FAM163A: variants seen among roughly 807,000 people sequenced by gnomAD.
The protein encoded by FAM163A is protein FAM163A.
A neutral mutation model predicts 12.0 loss-of-function variants in FAM163A; 7 were observed. That is an observed-to-expected ratio of 0.58 (90% CI 0.33 to 1.10). The LOEUF (loss-of-function observed/expected upper bound fraction) is 1.10, where lower values mean the gene tolerates loss of function less well. Among genes scored for constraint, FAM163A ranks in the 50% least tolerant of loss-of-function variants. The pLI, the probability that FAM163A is intolerant of heterozygous loss-of-function variation, is 0.03. For missense variants in FAM163A, 202 were observed against 218.6 expected (o/e 0.92, Z 0.48); for synonymous variants, 101 against 91.0 (o/e 1.11, Z -0.62).
intron 1 of FAM163A, among the ~76,000 whole-genome samples, chr1:179,771,140 C>T (rs941437191): frequency 2.6e-5 from 4 of 152,098 alleles, no homozygotes; most frequent in Non-Finnish European, 5.9e-5. Flanking sequence ...CCACCCCATG[C>T]GGGACCAGGA....
the FAM163A span, among the ~76,000 whole-genome samples, chr1:179,735,077 TC>T: frequency 1.3e-5 from 2 of 152,318 alleles, no homozygotes; most frequent in East Asian, 3.9e-4. Context: ...ATTACGTTTT[TC>T]CTTGATGTAG....
chr1:179,812,011 G>A (rs553457693), intron 2 of FAM163A, 99 bp from the exon 3 acceptor site: 1 of 152,728 alleles, frequency 6.5e-6, no homozygotes, highest in Admixed American at 6.5e-5. Flanking sequence ...AGCGAAGAAA[G>A]CAAAATGAGG....
At chr1:179,749,633 C>T (rs535549663) in intron 1 of FAM163A, among the ~76,000 whole-genome samples, 4 of 152,286 alleles carry the variant, frequency 2.6e-5, no homozygotes, top group African/African-American at 9.6e-5. Context: ...AGGCGGATTG[C>T]TTGAGGTCAG....
chr1:179,764,651 C>G (rs1208013233), intron 1 of FAM163A, among the ~76,000 whole-genome samples: 1 of 152,112 alleles, frequency 6.6e-6, no homozygotes, highest in Admixed American at 6.5e-5. Context: ...GGTTGTTCGC[C>G]CTAGAGGTAT....
chr1:179,791,398 C>G (rs868425098), intron 1 of FAM163A, among the ~76,000 whole-genome samples: 3 of 152,338 alleles, frequency 2.0e-5, no homozygotes, highest in Middle Eastern at 3.4e-3. Flanking sequence ...TCCCCCTGCT[C>G]TCTCCTTCCA....
At chr1:179,801,744 G>C (rs1693209148) in intron 1 of FAM163A, among the ~76,000 whole-genome samples, 1 of 152,198 alleles carries the variant, frequency 6.6e-6, no homozygotes, top group Admixed American at 6.5e-5. Context: ...AGGATGGAAG[G>C]CTCTGTGTGG....
At chr1:179,759,483 C>T (rs1686497063) in intron 1 of FAM163A, among the ~76,000 whole-genome samples, 1 of 152,006 alleles carries the variant, frequency 6.6e-6, no homozygotes, top group African/African-American at 2.4e-5. Flanking sequence ...TAATCCAAGG[C>T]CTAAGGGACA....
the FAM163A span, among the ~76,000 whole-genome samples, chr1:179,732,531 C>CTTAT: frequency 3.3e-5 from 5 of 151,914 alleles, no homozygotes; most frequent in Non-Finnish European, 7.4e-5. Context: ...ATATTCATAC[C>CTTAT]CTCCCAAGAT....
intron 4 of FAM163A, 127 bp downstream of exon 4, chr1:179,813,317 G>T: frequency 1.1e-6 from 1 of 933,310 alleles, no homozygotes. Context: ...TGTAGCAGGC[G>T]TAAGTCAAGG....
At chr1:179,737,455 A>G in the FAM163A span, among the ~76,000 whole-genome samples, 17 of 152,230 alleles carry the variant, frequency 1.1e-4, no homozygotes, top group African/African-American at 1.7e-4. Context: ...CCTATAGTTA[A>G]CAATGCTGGA....
intron 1 of FAM163A, among the ~76,000 whole-genome samples, chr1:179,761,671 A>C (rs1422466714): frequency 6.6e-6 from 1 of 152,242 alleles, no homozygotes; most frequent in East Asian, 1.9e-4. Context: ...GGCCGGCTCA[A>C]CGAAGGATTG....
At chr1:179,746,838 A>C (rs1310315320) in intron 1 of FAM163A, among the ~76,000 whole-genome samples, 1 of 152,146 alleles carries the variant, frequency 6.6e-6, no homozygotes, top group Non-Finnish European at 1.5e-5. Flanking sequence ...CAGTGCCCAT[A>C]GTATCTGGGC....
At chr1:179,812,073 T>G (rs886786333) in intron 2 of FAM163A, 37 bp from the exon 3 acceptor site, 2 of 152,650 alleles carry the variant, frequency 1.3e-5, no homozygotes, top group Non-Finnish European at 2.9e-5. Context: ...AGTAACTCTC[T>G]TCTTCCAACA....
rs1463866289 is a variant in FAM163A, at chr1:179,814,329, T to C, written c.*140T>C. On this transcript the variant is annotated 3_prime_UTR_variant, in exon 5 of 5. Coordinates refer to ENST00000341785, the MANE Select transcript of FAM163A (RefSeq NM_173509.3). ...TCTCGCTCCGCAGTGGAGGGTTTACTAGGATTTAAGCTTTTGAGTGCATTG... is the reference window on the plus strand; with the variant it reads ...TCTCGCTCCGCAGTGGAGGGTTTACCAGGATTTAAGCTTTTGAGTGCATTG... 7 of 1,186,640 alleles carry C rather than the reference T, an allele frequency of 5.9e-6. No homozygotes were observed. The highest frequency in any genetic ancestry group is 8.0e-6 in the Non-Finnish European group (7 of 871,324). 73.5% of individuals were successfully genotyped at this position (1,186,640 alleles called of 1,614,324 possible).
chr1:179,745,270 G>C (rs1390097572), intron 1 of FAM163A, among the ~76,000 whole-genome samples: 1 of 152,228 alleles, frequency 6.6e-6, no homozygotes, highest in Non-Finnish European at 1.5e-5. Context: ...TACTGTTCTG[G>C]AAAGGCAAGG....
intron 1 of FAM163A, among the ~76,000 whole-genome samples, chr1:179,802,217 A>G (rs908944617): frequency 6.6e-6 from 1 of 152,120 alleles, no homozygotes; most frequent in African/African-American, 2.4e-5. Flanking sequence ...GGCAGCCATA[A>G]TGTGTATTCA....
intron 1 of FAM163A, among the ~76,000 whole-genome samples, chr1:179,792,743 A>G (rs1691701515): frequency 6.6e-6 from 1 of 152,166 alleles, no homozygotes; most frequent in African/African-American, 2.4e-5. Context: ...CACCCCTACC[A>G]AAAAGTCATT....
At chr1:179,798,750 G>A (rs910315366) in intron 1 of FAM163A, among the ~76,000 whole-genome samples, 2 of 152,210 alleles carry the variant, frequency 1.3e-5, no homozygotes, top group Non-Finnish European at 2.9e-5. Context: ...GCTCAAAAAT[G>A]TTCCCCAAGC....
upstream of FAM163A, chr1:179,742,213 G>T (rs532031963): frequency 7.2e-5 from 11 of 152,288 alleles, no homozygotes; most frequent in South Asian, 1.5e-3. Flanking sequence ...GAATAATAAG[G>T]TTGCTCCAGG....
Sources: allele counts gnomAD v4.1 joint callset (sites outside exome capture counted in the v4.1 genomes callset), GRCh38; gene constraint gnomAD v4.1.1; transcripts MANE v1.5; gene names NCBI Gene and HGNC (gene_info 2026-07-23, HGNC 2026-07-21).